PCDHA12: variants seen among roughly 807,000 people sequenced by gnomAD.
The protein encoded by PCDHA12 is protocadherin alpha-12.
PCDHA12 carries 44 observed loss-of-function variants against 60.0 expected under a neutral mutation model. The ratio of observed to expected loss-of-function variants is 0.73; its 90% CI spans 0.58 to 0.94. PCDHA12 has a LOEUF of 0.94. Among genes scored for constraint, PCDHA12 ranks in the 40% least tolerant of loss-of-function variants. PCDHA12 has a pLI of 0.00. For synonymous variants in PCDHA12, 569 were observed against 553.0 expected, an observed-to-expected ratio of 1.03 and a Z score of -0.40; for missense variants, 1,276 against 1,239.7, an observed-to-expected ratio of 1.03 and a Z score of -0.44.
chr5:140,941,281 C>A (rs12652617), intron 1 of PCDHA12, among the ~76,000 whole-genome samples: 1 of 69,002 alleles, frequency 1.4e-5, no homozygotes, highest in Non-Finnish European at 3.2e-5. Context: ...TTCCTTCCTT[C>A]CTTTCTCTTT....
chr5:140,892,311 T>C (rs1042617869), intron 1 of PCDHA12, among the ~76,000 whole-genome samples: 1 of 152,222 alleles, frequency 6.6e-6, no homozygotes, highest in Non-Finnish European at 1.5e-5. Flanking sequence ...TTGGGGCTTA[T>C]AACATTTTCT....
chr5:140,991,386 G>T (rs1044991848), intron 3 of PCDHA12, among the ~76,000 whole-genome samples: 2 of 152,168 alleles, frequency 1.3e-5, no homozygotes, highest in African/African-American at 4.8e-5. Context: ...CAACTGTAGG[G>T]TGTCTGTATT....
At chr5:140,998,056 C>T (rs1162882949) in intron 3 of PCDHA12, among the ~76,000 whole-genome samples, 1 of 152,160 alleles carries the variant, frequency 6.6e-6, no homozygotes, top group Non-Finnish European at 1.5e-5. Context: ...GTGACATCAT[C>T]ATCAACAGAC....
intron 1 of PCDHA12, among the ~76,000 whole-genome samples, chr5:140,909,448 C>A (rs547019806): frequency 6.6e-6 from 1 of 152,284 alleles, no homozygotes; most frequent in South Asian, 2.1e-4. Context: ...TGTCATTCTC[C>A]AAGATCCATC....
At chr5:140,937,332 C>A (rs1003482242) in intron 1 of PCDHA12, among the ~76,000 whole-genome samples, 1 of 152,094 alleles carries the variant, frequency 6.6e-6, no homozygotes, top group Non-Finnish European at 1.5e-5. Flanking sequence ...CCACCGCGCC[C>A]GGCTTCTTCC....
intron 1 of PCDHA12, among the ~76,000 whole-genome samples, chr5:140,925,953 C>T (rs1438087673): frequency 1.3e-5 from 2 of 152,090 alleles, no homozygotes; most frequent in Non-Finnish European, 2.9e-5. Context: ...GAAGGAGAAA[C>T]TGCTATCACG....
Position 140,928,358 on chromosome 5 carries a change from CT to C in PCDHA12, c.2367+50520del, listed in dbSNP as rs782782118. 3.7e-6 allele frequency: 6 copies of C among 1,614,178 alleles called. No homozygotes were observed. In the Admixed American group the frequency reaches 1.0e-4, roughly 27 times the overall value. ...TCTTATGAGCTGTTGGATGTTATCT[CT>C]GAAGGGCCATCAGCCTCTAGCTTGC... On this transcript the variant is annotated intron_variant, in intron 1 of 3. Coordinates refer to ENST00000398631, the MANE Select transcript of PCDHA12 (RefSeq NM_018903.4).
At chr5:140,924,811 C>A (rs1209918868) in intron 1 of PCDHA12, among the ~76,000 whole-genome samples, 6 of 151,654 alleles carry the variant, frequency 4.0e-5, no homozygotes, top group Admixed American at 3.3e-4. Context: ...AAGAGAATCG[C>A]TTGAACCTGG....
intron 1 of PCDHA12, among the ~76,000 whole-genome samples, chr5:140,925,376 A>G (rs1010003214): frequency 2.0e-5 from 3 of 152,150 alleles, no homozygotes; most frequent in Non-Finnish European, 2.9e-5. Context: ...TCAATAGTCA[A>G]TGAGTCTCCT....
rs1215041869 is a variant in PCDHA12, at chr5:141,010,411, G to T, written c.*474G>T. ...TGAGACGAGCCAGCTTAGACTAATT[G>T]GTACAAGGAAGGCAAGAAAACAAAG... On this transcript the variant is annotated 3_prime_UTR_variant, in exon 4 of 4. Transcript: ENST00000398631. 4.1e-6 allele frequency: 5 copies of T among 1,224,236 alleles called. No individual in the cohort carries two copies. The highest frequency in any genetic ancestry group is 4.4e-6 in the Non-Finnish European group (4 of 905,798). The allele number at this position is 1,224,236 out of a possible 1,614,324, so 75.8% of individuals were successfully genotyped here. A position where few individuals can be genotyped will look rare whatever the true frequency, so the allele number is the denominator to read the frequency against.
chr5:140,948,496 A>C (rs1258443825), intron 1 of PCDHA12, among the ~76,000 whole-genome samples: 1 of 151,522 alleles, frequency 6.6e-6, no homozygotes, highest in African/African-American at 2.4e-5. Context: ...TCTTTCATAG[A>C]CTTTCTATTA....
At chr5:140,960,208 C>T (rs1295278624) in intron 1 of PCDHA12, among the ~76,000 whole-genome samples, 2 of 151,976 alleles carry the variant, frequency 1.3e-5, no homozygotes, top group Non-Finnish European at 2.9e-5. Flanking sequence ...GATGTTATTT[C>T]AGGATCTCAA....
At chr5:140,971,372 A>G (rs1554233263) in intron 1 of PCDHA12, among the ~76,000 whole-genome samples, 1 of 152,214 alleles carries the variant, frequency 6.6e-6, no homozygotes, top group Non-Finnish European at 1.5e-5. Flanking sequence ...AGGAGAGTGC[A>G]TGACTTTAAT....
chr5:140,907,525 G>A (rs1016477325), intron 1 of PCDHA12, among the ~76,000 whole-genome samples: 3 of 152,196 alleles, frequency 2.0e-5, no homozygotes, highest in African/African-American at 4.8e-5. Flanking sequence ...AGGACAAATC[G>A]CTGCCCTTTC....
chr5:140,877,575 C>T lies in PCDHA12; in HGVS notation c.2103C>T (p.Ile701=), dbSNP rs1244471489. The T allele has an allele frequency of 6.2e-7, 1 of 1,613,826 alleles. No individual in the cohort carries two copies. Among genetic ancestry groups the T allele is most frequent in the Non-Finnish European group, 8.5e-7 (1 of 1,179,916 alleles). The part of the protein sequence containing the change: ...AALVDINVYL[I]IAICAVSSLL... ...TGGTGGATATTAACGTGTACCTCATCATCGCCATCTGTGCGGTGTCCAGCC... is the reference window on the plus strand; with the variant it reads ...TGGTGGATATTAACGTGTACCTCATTATCGCCATCTGTGCGGTGTCCAGCC... Residue 701 remains isoleucine, a synonymous_variant, in exon 1 of 4, where the codon ATC becomes ATT. Coordinates refer to ENST00000398631, the MANE Select transcript of PCDHA12 (RefSeq NM_018903.4).
chr5:140,954,920 G>A (rs1295412224), intron 1 of PCDHA12, among the ~76,000 whole-genome samples: 2 of 152,076 alleles, frequency 1.3e-5, no homozygotes, highest in East Asian at 3.9e-4. Context: ...TATGAATTAC[G>A]TCTTTAATTA....
At chr5:140,924,588 T>C (rs2081910916) in intron 1 of PCDHA12, among the ~76,000 whole-genome samples, 1 of 152,212 alleles carries the variant, frequency 6.6e-6, no homozygotes, top group East Asian at 1.9e-4. Context: ...TCAAATATTA[T>C]AGAAATATGC....
At chr5:140,960,186 G>A (rs2153724328) in intron 1 of PCDHA12, among the ~76,000 whole-genome samples, 1 of 152,260 alleles carries the variant, frequency 6.6e-6, no homozygotes, top group East Asian at 1.9e-4. Flanking sequence ...GGGGTTGCAT[G>A]TGTAGTGGTC....
At chr5:140,886,253 T>G (rs2060912572) in intron 1 of PCDHA12, among the ~76,000 whole-genome samples, 1 of 152,034 alleles carries the variant, frequency 6.6e-6, no homozygotes, top group African/African-American at 2.4e-5. Context: ...TAAAAGTATC[T>G]CTATTTATAG....
Sources: gnomAD v4.1 joint callset for allele counts (sites outside exome capture counted in the v4.1 genomes callset) on GRCh38, gnomAD v4.1.1 for gene constraint, MANE v1.5 for transcripts, NCBI Gene and HGNC (gene_info 2026-07-23, HGNC 2026-07-21) for gene names.